EYA4: variants seen among roughly 807,000 people sequenced by gnomAD.
EYA4 encodes the protein protein phosphatase EYA4.
EYA4 carries 31 observed loss-of-function variants against 87.9 expected under a neutral mutation model. That is an observed-to-expected ratio of 0.35 (90% confidence interval 0.27 to 0.48). The LOEUF is 0.48. Among genes scored for constraint, EYA4 ranks in the 20% least tolerant of loss-of-function variants. EYA4 has a pLI of 0.99. For synonymous variants in EYA4, 263 were observed against 270.6 expected, an observed-to-expected ratio of 0.97 and a Z score of 0.28; for missense variants, 678 against 761.4, an observed-to-expected ratio of 0.89 and a Z score of 1.29.
In EYA4 at chr6:133,525,156, A is replaced by G; in HGVS notation, c.1741A>G (p.Lys581Glu). 6.2e-7 allele frequency: 1 copy of G among 1,613,752 alleles called. No individual in the cohort carries two copies. Among genetic ancestry groups the G allele is most frequent in the Non-Finnish European group, 8.5e-7 (1 of 1,179,770 alleles). ...ENIYSATKIGKESCFERIMQR... is the reference protein window; with the variant it reads ...ENIYSATKIGEESCFERIMQR... Reference sequence around the variant, plus strand: ...ACTTTATCTCATTTATCTTCCAGGAAAAGAAAGTTGCTTTGAACGAATAAT... The same window carrying G: ...ACTTTATCTCATTTATCTTCCAGGAGAAGAAAGTTGCTTTGAACGAATAAT... Residue 581 changes from lysine (K) to glutamate (E), a missense_variant and splice_region_variant, in exon 19 of 20, where the codon AAA becomes GAA. Coordinates refer to ENST00000355286, the MANE Select transcript of EYA4 (RefSeq NM_004100.5).
chr6:133,395,745 A>G (rs1273649667), intron 3 of EYA4, among the ~76,000 whole-genome samples: 1 of 152,222 alleles, frequency 6.6e-6, no homozygotes, highest in Non-Finnish European at 1.5e-5. Flanking sequence ...TGGGTGACAG[A>G]GCAAGACTTC....
intron 11 of EYA4, among the ~76,000 whole-genome samples, chr6:133,480,362 T>C (rs35762882): frequency 0.013 from 2,056 of 152,306 alleles, 22 homozygotes; most frequent in Non-Finnish European, 0.021. Context: ...CTGGGGACTA[T>C]TAGCAGGAGT....
At chr6:133,291,854 C>T (rs211436) in intron 2 of EYA4, among the ~76,000 whole-genome samples, 45,285 of 152,018 alleles carry the variant, frequency 0.3, 7,551 homozygotes, top group African/African-American at 0.45. Flanking sequence ...GTGATTGTTT[C>T]CATCCTCACT....
chr6:133,330,576 C>T (rs111522737), intron 2 of EYA4, among the ~76,000 whole-genome samples: 58,210 of 104,354 alleles, frequency 0.56, 12,429 homozygotes, highest in Non-Finnish European at 0.61. Context: ...TATACACACA[C>T]ACACACACAC....
intron 2 of EYA4, among the ~76,000 whole-genome samples, chr6:133,328,600 T>C (rs180725166): frequency 1.4e-4 from 21 of 152,310 alleles, no homozygotes; most frequent in Non-Finnish European, 2.8e-4. Context: ...ATATGTCATT[T>C]CTTCAAAATT....
At chr6:133,411,770 G>A (rs211598) in intron 3 of EYA4, among the ~76,000 whole-genome samples, 128,946 of 152,208 alleles carry the variant, frequency 0.85, 55,146 homozygotes, top group South Asian at 0.93. Flanking sequence ...TTCAGAATTT[G>A]TCCTCTTATA....
chr6:133,381,649 G>A (rs1255897028), intron 2 of EYA4, among the ~76,000 whole-genome samples: 1 of 152,078 alleles, frequency 6.6e-6, no homozygotes, highest in Admixed American at 6.6e-5. Flanking sequence ...GATTTTTGAA[G>A]TTTAGTCTAC....
intron 3 of EYA4, among the ~76,000 whole-genome samples, chr6:133,444,052 G>A (rs1010387594): frequency 3.3e-5 from 5 of 152,222 alleles, no homozygotes; most frequent in South Asian, 2.1e-4. Flanking sequence ...TGGTGATAAC[G>A]CTTTCCAAAT....
At chr6:133,450,056 G>A (rs932524551) in intron 5 of EYA4, among the ~76,000 whole-genome samples, 4 of 151,660 alleles carry the variant, frequency 2.6e-5, no homozygotes, top group Non-Finnish European at 5.9e-5. Flanking sequence ...CGCGATCTCC[G>A]CTCACTGCAA....
chr6:133,325,420 C>G (rs748594886), intron 2 of EYA4: 1 of 152,012 alleles, frequency 6.6e-6, no homozygotes, highest in East Asian at 1.9e-4. Context: ...GGAAGGTAAA[C>G]GTATCCATTG....
intron 2 of EYA4, among the ~76,000 whole-genome samples, chr6:133,311,797 A>C (rs759020282): frequency 6.6e-6 from 1 of 152,198 alleles, no homozygotes; most frequent in Non-Finnish European, 1.5e-5. Context: ...TCATTAAAAC[A>C]CTTGTGTCCA....
intron 2 of EYA4, among the ~76,000 whole-genome samples, chr6:133,285,480 C>A (rs1431090833): frequency 6.6e-6 from 1 of 152,196 alleles, no homozygotes; most frequent in East Asian, 1.9e-4. Context: ...AATAAGGCTG[C>A]AAAGGTAATC....
At chr6:133,318,320 T>C (rs1780780475) in intron 2 of EYA4, among the ~76,000 whole-genome samples, 1 of 151,626 alleles carries the variant, frequency 6.6e-6, no homozygotes, top group African/African-American at 2.4e-5. Flanking sequence ...AAGTGTAGAA[T>C]CGGAATTTTA....
At chr6:133,480,317 G>GA (rs1234561233) in intron 11 of EYA4, among the ~76,000 whole-genome samples, 4 of 152,206 alleles carry the variant, frequency 2.6e-5, no homozygotes, top group Non-Finnish European at 5.9e-5. Flanking sequence ...GACAAGGACT[G>GA]AGTCTGTCTA....
At chr6:133,514,196 G>T (rs1038158914) in intron 16 of EYA4, among the ~76,000 whole-genome samples, 2 of 152,182 alleles carry the variant, frequency 1.3e-5, no homozygotes, top group African/African-American at 2.4e-5. Context: ...CTGCCGACTT[G>T]CATGGGGTGC....
intron 3 of EYA4, among the ~76,000 whole-genome samples, chr6:133,437,717 C>A (rs775299282): frequency 6.6e-6 from 1 of 152,130 alleles, no homozygotes; most frequent in Admixed American, 6.6e-5. Flanking sequence ...AAGCAAGGCA[C>A]CTTCTTCCCA....
chr6:133,247,623 A>G (rs1194719735), intron 1 of EYA4: 3 of 152,300 alleles, frequency 2.0e-5, no homozygotes, highest in African/African-American at 7.2e-5. Context: ...CCTGTTTTAC[A>G]ATTTTATAGT....
intron 2 of EYA4, among the ~76,000 whole-genome samples, chr6:133,288,044 G>A (rs546523907): frequency 6.6e-6 from 1 of 152,194 alleles, no homozygotes; most frequent in South Asian, 2.1e-4. Context: ...TAGAAGAATC[G>A]CTGGAACCCA....
chr6:133,466,398 G>A (rs1794843865), intron 10 of EYA4, among the ~76,000 whole-genome samples: 1 of 152,062 alleles, frequency 6.6e-6, no homozygotes, highest in South Asian at 2.1e-4. Context: ...CCAGTTTGTT[G>A]TTTTGGCTCA....
Sources: allele counts gnomAD v4.1 joint callset (sites outside exome capture counted in the v4.1 genomes callset), GRCh38; gene constraint gnomAD v4.1.1; transcripts MANE v1.5; gene names NCBI Gene and HGNC (gene_info 2026-07-23, HGNC 2026-07-21).